The following ZMYND8 variants were observed in gnomAD, a reference collection of about 807,000 sequenced individuals.
ZMYND8 encodes the protein MYND-type zinc finger-containing chromatin reader ZMYND8.
Under a neutral mutation model 140.8 loss-of-function variants are expected in ZMYND8, and 37 were observed. The observed-to-expected ratio is 0.26, with a 90% CI of 0.20 to 0.35. ZMYND8 has a LOEUF of 0.35. ZMYND8 is among the 10% of genes least tolerant of loss of function. The probability of loss-of-function intolerance (pLI) is 1.00; values close to 1 mark genes in which losing one functional copy is unlikely to be tolerated. For missense variants in ZMYND8, 1,068 were observed against 1,570.0 expected, an observed-to-expected ratio of 0.68 and a Z score of 5.40; for synonymous variants, 592 against 597.1, an observed-to-expected ratio of 0.99 and a Z score of 0.12.
chr20:47,282,289 T>G, intron 9 of ZMYND8, 72 bp from the exon 10 acceptor site: 1 of 1,365,196 alleles, frequency 7.3e-7, no homozygotes, highest in Non-Finnish European at 1.0e-6. Flanking sequence ...GTTTGGTATG[T>G]GAGGATGAAG....
intron 2 of ZMYND8, among the ~76,000 whole-genome samples, chr20:47,345,367 G>A (rs1458932742): frequency 1.3e-5 from 2 of 152,186 alleles, no homozygotes; most frequent in East Asian, 1.9e-4. Flanking sequence ...AATGGCACAA[G>A]GTGAACAGAA....
intron 2 of ZMYND8, among the ~76,000 whole-genome samples, chr20:47,317,686 G>A (rs1015867582): frequency 5.3e-5 from 8 of 152,172 alleles, no homozygotes; most frequent in Non-Finnish European, 1.0e-4. Flanking sequence ...GCTGGGTCCC[G>A]GGCAAACCAG....
chr20:47,353,076 G>C (rs572466943), intron 1 of ZMYND8: 1 of 152,226 alleles, frequency 6.6e-6, no homozygotes, highest in African/African-American at 2.4e-5. Flanking sequence ...CCACAGGAGA[G>C]AGAAGGGGAA....
chr20:47,219,692 TAAGG>T lies in ZMYND8; in HGVS notation c.3484+562_3484+565del, dbSNP rs544341030. 2.4e-3 allele frequency among the ~76,000 whole-genome samples: 363 copies of T among 152,170 alleles called. 1 individual carries two copies. Among genetic ancestry groups the T allele is most frequent in the African/African-American group, 8.5e-3 (353 of 41,514 alleles). On this transcript the variant is annotated intron_variant, in intron 21 of 22. Transcript: ENST00000471951. ...AGTGCAGGAAAAAGATTCTTTGGGC[TAAGG>T]AAGGAAGACAGCTCAAACCCCACAG...
In ZMYND8 at chr20:47,249,378, G is replaced by T; in HGVS notation, c.1683C>A (p.Thr561=). ...ELSESVQQQS[T]PVPLISPKRQ... ...GCTTGGGAGAGATGAGAGGAACAGG[G>T]GTGGACTGTTGCTGGACCGACTCGC... is the stretch of plus-strand genomic sequence containing the variant. The change falls in exon 13 of 23, where the codon ACC becomes ACA. Residue 561 remains threonine, a synonymous_variant. Coordinates refer to ENST00000471951, the MANE Select transcript of ZMYND8 (RefSeq NM_001281775.3). The T allele has an allele frequency of 6.2e-7, 1 of 1,614,126 alleles. No homozygotes were observed. Among genetic ancestry groups the T allele is most frequent in the South Asian group, 1.1e-5 (1 of 91,074 alleles).
At chr20:47,294,066 G>T (rs1025981807) in intron 5 of ZMYND8, among the ~76,000 whole-genome samples, 4 of 152,026 alleles carry the variant, frequency 2.6e-5, no homozygotes, top group African/African-American at 9.7e-5. Context: ...CCTCTTTTCT[G>T]GCGAGCCACA....
chr20:47,238,738 C>T lies in ZMYND8; in HGVS notation c.2665+20G>A. The T allele has an allele frequency of 1.2e-6, 2 of 1,600,944 alleles. No individual in the cohort carries two copies. Among genetic ancestry groups the T allele is most frequent in the Middle Eastern group, 1.7e-4 (1 of 6,056 alleles). ...AAATGGGAGCGGGCGCCACGGAGAA[C>T]AGAAGGGGAGGCTCGGTACCTTTCA... On this transcript the variant is annotated intron_variant, in intron 15 of 22. Transcript: ENST00000471951.
intron 8 of ZMYND8, among the ~76,000 whole-genome samples, chr20:47,284,278 C>A (rs2076786765): frequency 6.6e-6 from 1 of 152,098 alleles, no homozygotes; most frequent in Admixed American, 6.6e-5. Context: ...GCTTAAAAGC[C>A]CCCAGTGACT....
Position 47,251,600 on chromosome 20 carries a change from T to C in ZMYND8, c.1622-2161A>G, listed in dbSNP as rs565031320. ...CCTGTCTCCAAAAAAAAAAAAAATT[T>C]ACTGGACAAAGAACTAGAAAACTCT... On this transcript the variant is annotated intron_variant, in intron 12 of 22. Coordinates refer to ENST00000471951, the MANE Select transcript of ZMYND8 (RefSeq NM_001281775.3). Among the ~76,000 whole-genome samples, 14 of 151,936 alleles carry C rather than the reference T, an allele frequency of 9.2e-5. No individual in the cohort carries two copies. The South Asian group carries it at 2.9e-3, about 32-fold the overall frequency.
chr20:47,322,451 T>A (rs892643745), intron 2 of ZMYND8, among the ~76,000 whole-genome samples: 56 of 150,576 alleles, frequency 3.7e-4, no homozygotes, highest in African/African-American at 1.3e-3. Flanking sequence ...TTTTTTTTTT[T>A]TTTTTTTCAG....
intron 2 of ZMYND8, among the ~76,000 whole-genome samples, chr20:47,344,136 C>A (rs2082146970): frequency 6.6e-6 from 1 of 151,720 alleles, no homozygotes; most frequent in Non-Finnish European, 1.5e-5. Flanking sequence ...TGCCACCACA[C>A]CCAGCTAATT....
chr20:47,233,127 G>A (rs377446670), intron 16 of ZMYND8, among the ~76,000 whole-genome samples: 3 of 150,466 alleles, frequency 2.0e-5, no homozygotes, highest in African/African-American at 4.9e-5. Flanking sequence ...GGCTAGTCTC[G>A]AACTCCTGAC....
In ZMYND8 at chr20:47,277,625, GA is replaced by G. The variant is rs554121645; in HGVS notation, c.999-831del. Among the ~76,000 whole-genome samples, 309 of 151,844 alleles carry G rather than the reference GA, an allele frequency of 2.0e-3. 2 individuals are homozygous for G. The highest frequency in any genetic ancestry group is 7.1e-3 in the African/African-American group (292 of 41,368). ...CTTTCCAAGGAAGGCTTTTGTGGGG[GA>G]TTTTTTGTTTGTTTAATTAATTCAT... On this transcript the variant is annotated intron_variant, in intron 10 of 22. Transcript: ENST00000471951.
At chr20:47,349,850 A>G in intron 1 of ZMYND8, 1 of 1,535,644 alleles carries the variant, frequency 6.5e-7, no homozygotes, top group Non-Finnish European at 8.7e-7. Context: ...ACTGAGCCAA[A>G]AAAAACCCAC....
chr20:47,211,178 A>C (rs889868887), intron 22 of ZMYND8, among the ~76,000 whole-genome samples: 2 of 152,208 alleles, frequency 1.3e-5, no homozygotes, highest in African/African-American at 4.8e-5. Context: ...ACTGCCAAGG[A>C]AGGCATTTCT....
intron 2 of ZMYND8, among the ~76,000 whole-genome samples, chr20:47,338,504 A>C (rs2148511843): frequency 6.6e-6 from 1 of 152,200 alleles, no homozygotes; most frequent in Non-Finnish European, 1.5e-5. Flanking sequence ...TGAACAAGAG[A>C]TAAGGCTTCA....
At chr20:47,322,098 C>A (rs1283270456) in intron 2 of ZMYND8, among the ~76,000 whole-genome samples, 1 of 151,986 alleles carries the variant, frequency 6.6e-6, no homozygotes, top group Non-Finnish European at 1.5e-5. Flanking sequence ...AGGGCTCAAG[C>A]AATCCCTCTG....
intron 16 of ZMYND8, among the ~76,000 whole-genome samples, chr20:47,230,845 C>G (rs374030505): frequency 6.8e-4 from 103 of 152,262 alleles, no homozygotes; most frequent in African/African-American, 2.2e-3. Flanking sequence ...CTCCTGGTAT[C>G]CCATCCCCCG....
intron 2 of ZMYND8, among the ~76,000 whole-genome samples, chr20:47,334,169 GTTT>G (rs2148476452): frequency 6.6e-6 from 1 of 152,204 alleles, no homozygotes; most frequent in East Asian, 1.9e-4. Flanking sequence ...TAGATTGTTT[GTTT>G]ACCCTCGTGA....
Sources: gnomAD v4.1 joint callset for allele counts (sites outside exome capture counted in the v4.1 genomes callset) on GRCh38, gnomAD v4.1.1 for gene constraint, MANE v1.5 for transcripts, NCBI Gene and HGNC (gene_info 2026-07-23, HGNC 2026-07-21) for gene names.